The following RABGAP1L variants were observed in gnomAD, a reference collection of about 807,000 sequenced individuals.
RABGAP1L encodes RAB GTPase activating protein 1 like.
Under a neutral mutation model 137.7 loss-of-function variants are expected in RABGAP1L, and 63 were observed. The observed-to-expected ratio is 0.46, with a 90% CI of 0.37 to 0.56. The LOEUF (loss-of-function observed/expected upper bound fraction) is 0.56, where lower values mean the gene tolerates loss of function less well. Ranked by LOEUF, RABGAP1L falls within the 20% of genes least tolerant of loss-of-function variation. The pLI is 0.00. For missense variants in RABGAP1L, 1,095 were observed against 1,244.0 expected (o/e 0.88, Z 1.80); for synonymous variants, 431 against 433.7 (o/e 0.99, Z 0.08).
At position 174,990,187 on chromosome 1, in the gene RABGAP1L, G is replaced by A. The variant is rs1328897439; in HGVS notation, c.*186G>A. The A allele has an allele frequency of 2.3e-5, 15 of 642,616 alleles. No individual in the cohort carries two copies. Among genetic ancestry groups the A allele is most frequent in the Middle Eastern group, 2.8e-4 (1 of 3,526 alleles). The allele number at this position is 642,616 out of a possible 1,614,324, so 39.8% of individuals were successfully genotyped here. A position where few individuals can be genotyped will look rare whatever the true frequency, so the allele number is the denominator to read the frequency against. The stretch of plus-strand genomic sequence containing the variant: ...TGCTATTTAAACTGACCTGTTCTAT[G>A]TTGAATACCTATTTTCCAGCTTCTG... On this transcript the variant is annotated 3_prime_UTR_variant, in exon 26 of 26. Coordinates refer to ENST00000681986, the MANE Select transcript of RABGAP1L (RefSeq NM_001366446.1).
chr1:174,805,195 A>G (rs906901985), intron 18 of RABGAP1L, among the ~76,000 whole-genome samples: 4 of 152,182 alleles, frequency 2.6e-5, no homozygotes, highest in Non-Finnish European at 5.9e-5. Flanking sequence ...GTGTCAGGCA[A>G]TTTGCTTAAT....
At chr1:174,531,432 T>C (rs1664394633) in intron 13 of RABGAP1L, among the ~76,000 whole-genome samples, 1 of 152,040 alleles carries the variant, frequency 6.6e-6, no homozygotes, top group African/African-American at 2.4e-5. Context: ...AATTTCAGAT[T>C]TAGATAAAAA....
In RABGAP1L at chr1:174,990,067, T is replaced by C; in HGVS notation, c.*66T>C. ...AATGGAAATCTGGGAGGATTCTTCCTGGTGTCCCTTTGAAGGAAAGTCAAG... is the reference window on the plus strand; with the variant it reads ...AATGGAAATCTGGGAGGATTCTTCCCGGTGTCCCTTTGAAGGAAAGTCAAG... On this transcript the variant is annotated 3_prime_UTR_variant, in exon 26 of 26. Transcript: ENST00000681986. 1 of 1,435,628 alleles carries C rather than the reference T, an allele frequency of 7.0e-7. No individual in the cohort carries two copies. The allele number at this position is 1,435,628 out of a possible 1,614,324, so 88.9% of individuals were successfully genotyped here. A position where few individuals can be genotyped will look rare whatever the true frequency, so the allele number is the denominator to read the frequency against.
At chr1:174,273,848 C>T (rs1486832529) in intron 8 of RABGAP1L, among the ~76,000 whole-genome samples, 1 of 152,146 alleles carries the variant, frequency 6.6e-6, no homozygotes, top group Non-Finnish European at 1.5e-5. Flanking sequence ...GTCCTCCCCA[C>T]CTTTGAGTCC....
At chr1:174,813,771 C>T (rs1018722346) in intron 19 of RABGAP1L, among the ~76,000 whole-genome samples, 1 of 152,188 alleles carries the variant, frequency 6.6e-6, no homozygotes, top group Non-Finnish European at 1.5e-5. Flanking sequence ...CTCTAGTGGG[C>T]ATGATGCCTT....
At chr1:174,941,989 T>C (rs1665966822) in intron 19 of RABGAP1L, among the ~76,000 whole-genome samples, 1 of 152,248 alleles carries the variant, frequency 6.6e-6, no homozygotes, top group African/African-American at 2.4e-5. Context: ...TAGATATTTA[T>C]TATAATGAGC....
At chr1:174,733,340 T>C (rs1327915642) in intron 17 of RABGAP1L, among the ~76,000 whole-genome samples, 3 of 152,188 alleles carry the variant, frequency 2.0e-5, no homozygotes, top group African/African-American at 7.2e-5. Flanking sequence ...ACATGCACTT[T>C]CGTGGTCCCA....
At chr1:174,945,122 A>G (rs553161205) in intron 19 of RABGAP1L, among the ~76,000 whole-genome samples, 1 of 152,296 alleles carries the variant, frequency 6.6e-6, no homozygotes, top group South Asian at 2.1e-4. Flanking sequence ...CAAATAGTTT[A>G]ATTAACTCAC....
chr1:174,578,334 A>G (rs1470911902), intron 13 of RABGAP1L, among the ~76,000 whole-genome samples: 1 of 152,116 alleles, frequency 6.6e-6, no homozygotes, highest in Non-Finnish European at 1.5e-5. Flanking sequence ...ACAGGTGCAC[A>G]GTACTATGCC....
intron 13 of RABGAP1L, among the ~76,000 whole-genome samples, chr1:174,430,770 G>T (rs955215657): frequency 8.5e-5 from 13 of 152,156 alleles, no homozygotes; most frequent in African/African-American, 2.9e-4. Context: ...AATGATGAAA[G>T]ATATAAGTGA....
intron 23 of RABGAP1L, among the ~76,000 whole-genome samples, chr1:174,981,300 A>G (rs182930513): frequency 6.6e-6 from 1 of 152,290 alleles, no homozygotes; most frequent in East Asian, 1.9e-4. Flanking sequence ...GGTTTGCAGA[A>G]TCTACCATGG....
intron 13 of RABGAP1L, among the ~76,000 whole-genome samples, chr1:174,612,979 C>T (rs1402710972): frequency 6.6e-6 from 1 of 151,402 alleles, no homozygotes; most frequent in African/African-American, 2.4e-5. Context: ...AGTGGTCTAT[C>T]AATTTTGTTG....
intron 1 of RABGAP1L, among the ~76,000 whole-genome samples, chr1:174,206,868 C>T (rs1189925611): frequency 2.0e-5 from 3 of 152,154 alleles, no homozygotes; most frequent in South Asian, 2.1e-4. Flanking sequence ...CATTATTGCT[C>T]ATTTAGCAAA....
At chr1:174,709,199 A>G (rs1332735125) in intron 17 of RABGAP1L, among the ~76,000 whole-genome samples, 1 of 152,128 alleles carries the variant, frequency 6.6e-6, no homozygotes, top group Non-Finnish European at 1.5e-5. Context: ...TAAAACTCCC[A>G]TCTCCCTGGG....
At chr1:174,185,870 G>A (rs911120345) in intron 1 of RABGAP1L, among the ~76,000 whole-genome samples, 37 of 152,130 alleles carry the variant, frequency 2.4e-4, no homozygotes, top group Admixed American at 5.2e-4. Flanking sequence ...AAGTCGGGGC[G>A]CGGTGGCTCA....
intron 12 of RABGAP1L, among the ~76,000 whole-genome samples, chr1:174,376,208 GAA>G (rs1191846910): frequency 6.7e-6 from 1 of 149,606 alleles, no homozygotes. Flanking sequence ...AAGGAAGAAA[GAA>G]AGAGAAGGAA....
At chr1:174,349,778 A>G (rs1571343046) in intron 11 of RABGAP1L, among the ~76,000 whole-genome samples, 5 of 100,960 alleles carry the variant, frequency 5.0e-5, no homozygotes, top group Admixed American at 1.0e-4. Context: ...GGCCGGGCAG[A>G]GGGGCTCCTC....
chr1:174,562,484 A>G (rs1667286701), intron 13 of RABGAP1L, among the ~76,000 whole-genome samples: 1 of 152,176 alleles, frequency 6.6e-6, no homozygotes, highest in Non-Finnish European at 1.5e-5. Flanking sequence ...ATACCATTTG[A>G]TCCAGCAATC....
intron 19 of RABGAP1L, chr1:174,892,577 G>A (rs904985305): frequency 4.1e-5 from 22 of 530,802 alleles, no homozygotes; most frequent in African/African-American, 3.3e-4. Flanking sequence ...CTCAAGGGTG[G>A]TATTTACATG....
Sources: allele counts gnomAD v4.1 joint callset (sites outside exome capture counted in the v4.1 genomes callset), GRCh38; gene constraint gnomAD v4.1.1; transcripts MANE v1.5; gene names NCBI Gene and HGNC (gene_info 2026-07-23, HGNC 2026-07-21).